FBXW8: variants seen among roughly 807,000 people sequenced by gnomAD.
FBXW8 encodes the protein F-box/WD repeat-containing protein 8.
In FBXW8, 57 loss-of-function variants were observed where a neutral mutation model predicts 65.3. The ratio of observed to expected loss-of-function variants is 0.87; its 90% CI spans 0.71 to 1.09. The LOEUF (loss-of-function observed/expected upper bound fraction) is 1.09. FBXW8 is among the 50% of genes least tolerant of loss of function. FBXW8 has a pLI of 0.00. For missense variants in FBXW8, 777 were observed against 814.8 expected (o/e 0.95, Z 0.57); for synonymous variants, 308 against 330.2 (o/e 0.93, Z 0.73).
intron 4 of FBXW8, among the ~76,000 whole-genome samples, chr12:116,953,102 G>A (rs1487007307): frequency 2.0e-5 from 3 of 152,168 alleles, no homozygotes; most frequent in Non-Finnish European, 4.4e-5. Context: ...TGTTTTATAT[G>A]GAGTAAGCAT....
At chr12:116,914,345 G>A (rs1880227116) in intron 1 of FBXW8, among the ~76,000 whole-genome samples, 1 of 151,966 alleles carries the variant, frequency 6.6e-6, no homozygotes, top group Non-Finnish European at 1.5e-5. Flanking sequence ...TTGGGAGGCT[G>A]AGGTGGGTGG....
chr12:116,945,409 T>G lies in FBXW8; in HGVS notation c.469T>G (p.Tyr157Asp), dbSNP rs1882863297. 1 of 1,614,034 alleles carries G rather than the reference T, an allele frequency of 6.2e-7. No homozygotes were observed. ...KVIAEDEVLWYRLCQQEGHLP... is the reference protein window; with the variant it reads ...KVIAEDEVLWDRLCQQEGHLP... Reference sequence around the variant, plus strand: ...GATTGCAGAGGATGAGGTGCTGTGGTACAGGCTGTGCCAGCAGGAAGGGCA... The same window carrying G: ...GATTGCAGAGGATGAGGTGCTGTGGGACAGGCTGTGCCAGCAGGAAGGGCA... The change falls in exon 3 of 11, where the codon TAC (tyrosine) becomes GAC (aspartate). Residue 157 changes from tyrosine (Y) to aspartate (D), a missense_variant. Transcript: ENST00000652555.
chr12:117,007,625 C>T (rs1309659752), intron 7 of FBXW8, among the ~76,000 whole-genome samples: 1 of 152,108 alleles, frequency 6.6e-6, no homozygotes, highest in Non-Finnish European at 1.5e-5. Flanking sequence ...TAGGTTTTTC[C>T]AGCATATCTG....
intron 5 of FBXW8, among the ~76,000 whole-genome samples, chr12:116,968,338 T>C (rs1477576581): frequency 6.6e-6 from 1 of 152,244 alleles, no homozygotes; most frequent in Non-Finnish European, 1.5e-5. Context: ...CAAGAAAATA[T>C]GAGTGTGTAT....
chr12:116,929,362 A>G (rs562458700), intron 2 of FBXW8, among the ~76,000 whole-genome samples: 84 of 152,032 alleles, frequency 5.5e-4, no homozygotes, highest in Non-Finnish European at 1.1e-3. Context: ...AGCCACCCGC[A>G]TAGCTGGGAT....
At chr12:117,010,581 A>T in intron 8 of FBXW8, 131 bp downstream of exon 8, 3 of 1,187,258 alleles carry the variant, frequency 2.5e-6, no homozygotes, top group Non-Finnish European at 3.6e-6. Flanking sequence ...CCGATCCCAT[A>T]AACACTCTAG....
In FBXW8 at chr12:116,945,437, T is replaced by C; in HGVS notation, c.497T>C (p.Leu166Pro). ...WYRLCQQEGH[L>P]PDSSISDYSC... ...AGGCTGTGCCAGCAGGAAGGGCACC[T>C]TCCGGATAGCAGCATCTCTGACTAT... is the stretch of plus-strand genomic sequence containing the variant. Residue 166 changes from leucine (L) to proline (P), a missense_variant, in exon 3 of 11, where the codon CTT (leucine) becomes CCT (proline). Physicochemically the swap from Leu to Pro is moderately conservative, Grantham distance 98. Coordinates refer to ENST00000652555, the MANE Select transcript of FBXW8 (RefSeq NM_153348.3). The C allele has an allele frequency of 1.2e-6, 2 of 1,614,178 alleles. No individual in the cohort carries two copies. Among genetic ancestry groups the C allele is most frequent in the Non-Finnish European group, 8.5e-7 (1 of 1,180,030 alleles).
chr12:116,952,897 C>G (rs1194253110), intron 4 of FBXW8, among the ~76,000 whole-genome samples: 2 of 152,020 alleles, frequency 1.3e-5, no homozygotes, highest in Non-Finnish European at 2.9e-5. Flanking sequence ...GCCACCACAC[C>G]CAGCTAATTT....
intron 7 of FBXW8, among the ~76,000 whole-genome samples, chr12:117,005,082 T>C (rs981499777): frequency 6.6e-6 from 1 of 152,184 alleles, no homozygotes; most frequent in South Asian, 2.1e-4. Context: ...CTGGATGTAG[T>C]TGGGGCACTC....
At chr12:117,026,433 C>T (rs1025551463) in intron 9 of FBXW8, among the ~76,000 whole-genome samples, 21 of 152,142 alleles carry the variant, frequency 1.4e-4, no homozygotes, top group East Asian at 9.6e-4. Flanking sequence ...GGGTCTTTCT[C>T]ATCCTCCAGG....
At position 116,911,097 on chromosome 12, in the gene FBXW8, C is replaced by G; in HGVS notation, c.60C>G (p.Ala20=). The change falls in exon 1 of 11, where the codon GCC becomes GCG. Residue 20 remains alanine, a synonymous_variant. Coordinates refer to ENST00000652555, the MANE Select transcript of FBXW8 (RefSeq NM_153348.3). ...RRRWQEELAQ[A]QAPKKRRRPE... is the part of the protein sequence containing the mutation. Reference sequence around the variant, plus strand: ...GCTGGCAGGAGGAGCTGGCGCAGGCCCAGGCGCCGAAGAAGCGGCGACGGC... The same window carrying G: ...GCTGGCAGGAGGAGCTGGCGCAGGCGCAGGCGCCGAAGAAGCGGCGACGGC... The G allele has an allele frequency of 7.0e-7, 1 of 1,420,886 alleles. No individual in the cohort carries two copies. Among genetic ancestry groups the G allele is most frequent in the East Asian group, 3.0e-5 (1 of 32,938 alleles). 88.0% of individuals were successfully genotyped at this position (1,420,886 alleles called of 1,614,324 possible). A position where few individuals can be genotyped will look rare whatever the true frequency, so the allele number is the denominator to read the frequency against.
rs1377130377 is a variant in FBXW8, at chr12:116,986,667, T to G, written c.1032+1265T>G. 6 of 151,814 alleles carry G rather than the reference T, an allele frequency of 4.0e-5. No individual in the cohort carries two copies. The East Asian group carries it at 1.2e-3, about 29-fold the overall frequency. The allele number at this position is 151,814 out of a possible 1,614,324, so 9.4% of individuals were successfully genotyped here. ...AAAAAAACAACAAAAAAACGAATAC[T>G]GTAGACCAGCAATCACTGTATGGAC... On this transcript the variant is annotated intron_variant, in intron 6 of 10. Coordinates refer to ENST00000652555, the MANE Select transcript of FBXW8 (RefSeq NM_153348.3).
rs760588207 is a variant in FBXW8 at position 117,028,043 on chromosome 12, C to T, written c.1668C>T (p.Ile556=). The T allele has an allele frequency of 6.2e-7, 1 of 1,614,082 alleles. No homozygotes were observed. The highest frequency in any genetic ancestry group is 8.5e-7 in the Non-Finnish European group (1 of 1,180,028). ...FTTHRRHRGL[I]RAYEFAVDQL... ...CTCTTTCTAGACACCGGGGGCTGAT[C>T]CGCGCCTATGAGTTTGCGGTGGACC... The change falls in exon 11 of 11, where the codon ATC becomes ATT. Residue 556 remains isoleucine, a synonymous_variant. Coordinates refer to ENST00000652555, the MANE Select transcript of FBXW8 (RefSeq NM_153348.3). This position sits in a 1 kb window ranked among gnomAD's most constrained non-coding sequence, Gnocchi z 4.1.
intron 8 of FBXW8, among the ~76,000 whole-genome samples, chr12:117,022,869 A>G (rs1466352534): frequency 1.3e-5 from 2 of 152,176 alleles, no homozygotes; most frequent in Non-Finnish European, 2.9e-5. Context: ...TGCATAGCAT[A>G]TATTTTTACT....
intron 6 of FBXW8, among the ~76,000 whole-genome samples, chr12:116,988,279 T>A (rs1953147928): frequency 6.6e-6 from 1 of 152,198 alleles, no homozygotes; most frequent in Non-Finnish European, 1.5e-5. Flanking sequence ...TAGCCAAAGT[T>A]CCCTTGATAC....
chr12:116,942,770 ATTTTTTTTTTT>A (rs71099022), intron 2 of FBXW8, among the ~76,000 whole-genome samples: 4 of 64,358 alleles, frequency 6.2e-5, no homozygotes, highest in East Asian at 5.2e-4. Context: ...CAGAGCTTCT[ATTTTTTTTTTT>A]TTTTTTTTTT....
intron 8 of FBXW8, among the ~76,000 whole-genome samples, chr12:117,013,625 T>A (rs538949572): frequency 7.2e-5 from 11 of 152,204 alleles, no homozygotes; most frequent in South Asian, 2.1e-4. Context: ...TAAAAAAAAA[T>A]TTTTCACATC....
chr12:116,923,989 A>G (rs1337734615), intron 1 of FBXW8, among the ~76,000 whole-genome samples: 1 of 152,234 alleles, frequency 6.6e-6, no homozygotes. Flanking sequence ...CTGGGATTAC[A>G]GGCGTGAGCC....
At chr12:116,953,416 T>G (rs565420613) in intron 4 of FBXW8, among the ~76,000 whole-genome samples, 53 of 152,336 alleles carry the variant, frequency 3.5e-4, no homozygotes, top group African/African-American at 1.2e-3. Flanking sequence ...TTTGCTGCTC[T>G]GAAGCTTTGG....
Sources: allele counts gnomAD v4.1 joint callset (sites outside exome capture counted in the v4.1 genomes callset), GRCh38; gene constraint gnomAD v4.1.1; non-coding constraint Gnocchi (gnomAD v3.1); transcripts MANE v1.5; gene names NCBI Gene and HGNC (gene_info 2026-07-23, HGNC 2026-07-21).